Variants in NXN observed in about 807,000 individuals in gnomAD.
NXN encodes the protein nucleoredoxin 1.
A neutral mutation model predicts 48.6 loss-of-function variants in NXN; 16 were observed. That is an observed-to-expected ratio of 0.33 (90% CI 0.22 to 0.50). The LOEUF is 0.50. NXN is among the 20% of genes least tolerant of loss of function. The probability of loss-of-function intolerance (pLI) is 0.98; values close to 1 mark genes in which losing one functional copy is unlikely to be tolerated. For synonymous variants in NXN, 281 were observed against 269.6 expected, an observed-to-expected ratio of 1.04 and a Z score of -0.41; for missense variants, 492 against 605.5, an observed-to-expected ratio of 0.81 and a Z score of 1.97.
rs190580066 is a variant in NXN, at chr17:833,688, G to A, written c.361-7610C>T. On this transcript the variant is annotated intron_variant, in intron 1 of 7. Transcript: ENST00000336868. ...ATAAATCCCCCTGAAGCCTGTTAGC[G>A]GAAACTGATCACGGGAGGTCTACAG... Among the ~76,000 whole-genome samples, 59 of 152,168 alleles carry A rather than the reference G, an allele frequency of 3.9e-4. 1 individual carries two copies. In the East Asian group the frequency reaches 9.5e-3, roughly 24 times the overall value.
chr17:807,490 C>A (rs577817282), intron 5 of NXN, among the ~76,000 whole-genome samples: 1 of 152,336 alleles, frequency 6.6e-6, no homozygotes, highest in East Asian at 1.9e-4. Flanking sequence ...CCGAGGGCCT[C>A]CTCCAAGCGG....
chr17:806,569 C>A (rs992984473), intron 5 of NXN, among the ~76,000 whole-genome samples: 1 of 151,752 alleles, frequency 6.6e-6, no homozygotes, highest in Non-Finnish European at 1.5e-5. Flanking sequence ...GGCAGCCGCT[C>A]CCCCCACACC....
At chr17:810,991 T>C (rs1336418436) in intron 5 of NXN, among the ~76,000 whole-genome samples, 1 of 152,116 alleles carries the variant, frequency 6.6e-6, no homozygotes. Flanking sequence ...TCTCCAAATG[T>C]TTCATTTTTA....
chr17:979,356 G>A lies in NXN; in HGVS notation c.323C>T (p.Pro108Leu). 2 of 1,542,964 alleles carry A rather than the reference G, an allele frequency of 1.3e-6. No individual in the cohort carries two copies. The highest frequency in any genetic ancestry group is 8.7e-7 in the Non-Finnish European group (1 of 1,148,878). ...RQWQDFVRDM[P>L]WLALPYKEKH... ...CTCCTTGTAGGGCAGCGCCAGCCAC[G>A]GCATGTCCCGCACGAAGTCCTGCCA... is the stretch of plus-strand genomic sequence containing the variant. The change falls in exon 1 of 8, where the codon CCG becomes CTG. Residue 108 changes from proline (P) to leucine (L), a missense_variant. Transcript: ENST00000336868.
chr17:908,614 C>T (rs546421781), intron 1 of NXN, among the ~76,000 whole-genome samples: 3 of 152,286 alleles, frequency 2.0e-5, no homozygotes, highest in African/African-American at 4.8e-5. Context: ...AAATAGTCCA[C>T]GGCAGTGGAT....
In NXN at chr17:825,777, A is replaced by G; in HGVS notation, c.478+184T>C. 1.8e-6 allele frequency: 1 copy of G among 569,588 alleles called. No individual in the cohort carries two copies. The highest frequency in any genetic ancestry group is 2.2e-5 in the South Asian group (1 of 44,978). 35.3% of individuals were successfully genotyped at this position (569,588 alleles called of 1,614,324 possible). A position where few individuals can be genotyped will look rare whatever the true frequency, so the allele number is the denominator to read the frequency against. Reference sequence around the variant, plus strand: ...AGGAGGGACATTCTGATCCCTGTGAAAATCTTAAAACCATGTCCTAGGGAA... The same window carrying G: ...AGGAGGGACATTCTGATCCCTGTGAGAATCTTAAAACCATGTCCTAGGGAA... On this transcript the variant is annotated intron_variant, in intron 2 of 7. Coordinates refer to ENST00000336868, the MANE Select transcript of NXN (RefSeq NM_022463.5). The surrounding 1 kb of genome is among the most constrained non-coding windows in gnomAD (Gnocchi z 4.1).
intron 1 of NXN, among the ~76,000 whole-genome samples, chr17:967,764 G>A (rs913458089): frequency 1.3e-5 from 2 of 152,206 alleles, no homozygotes; most frequent in Non-Finnish European, 2.9e-5. Flanking sequence ...GAGGTCAGGA[G>A]ATCAAGACCA....
chr17:845,121 G>C (rs746499060), intron 1 of NXN, among the ~76,000 whole-genome samples: 1 of 152,194 alleles, frequency 6.6e-6, no homozygotes, highest in Non-Finnish European at 1.5e-5. Flanking sequence ...AAGCTCCAGT[G>C]AGAAAGGTCA....
At chr17:965,203 G>T (rs1386256326) in intron 1 of NXN, among the ~76,000 whole-genome samples, 1 of 152,146 alleles carries the variant, frequency 6.6e-6, no homozygotes, top group Non-Finnish European at 1.5e-5. Context: ...GGAGAACGTG[G>T]GCCTTAAGCT....
rs6598843 is a variant in NXN at position 958,711 on chromosome 17, C to A, written c.360+20608G>T. 1.3e-5 allele frequency among the ~76,000 whole-genome samples: 2 copies of A among 151,762 alleles called. No individual in the cohort carries two copies. The highest frequency in any genetic ancestry group is 6.6e-5 in the Admixed American group (1 of 15,244). On this transcript the variant is annotated intron_variant, in intron 1 of 7. Transcript: ENST00000336868. This position sits in a 1 kb window ranked among gnomAD's most constrained non-coding sequence, Gnocchi z 6.9. ...ACCGAGGCGGAGGTAGAAGTGAGCC[C>A]AGATTGTGCCACTGAACTCCAGCAC...
intron 1 of NXN, among the ~76,000 whole-genome samples, chr17:952,070 G>A (rs888949587): frequency 6.6e-6 from 1 of 152,172 alleles, no homozygotes; most frequent in Non-Finnish European, 1.5e-5. Context: ...TTTTGTGGGG[G>A]GCGGTGGTGG....
chr17:868,561 T>C (rs1003995665), intron 1 of NXN, among the ~76,000 whole-genome samples: 1 of 152,100 alleles, frequency 6.6e-6, no homozygotes, highest in South Asian at 2.1e-4. Context: ...ATGCGATCTC[T>C]GCTTACTGCA....
chr17:886,777 CAAA>C (rs5818771), intron 1 of NXN, among the ~76,000 whole-genome samples: 5 of 124,360 alleles, frequency 4.0e-5, no homozygotes, highest in Non-Finnish European at 3.4e-5. Flanking sequence ...GACTCTGTCT[CAAA>C]AAAAAAAAAA....
intron 1 of NXN, among the ~76,000 whole-genome samples, chr17:895,600 C>T (rs1157927312): frequency 1.3e-5 from 2 of 149,726 alleles, no homozygotes; most frequent in Non-Finnish European, 3.0e-5. Context: ...ATCACAGGGT[C>T]AGGAGATCAA....
rs942257175 is a variant in NXN at position 920,120 on chromosome 17, G to A, written c.360+59199C>T. 1.3e-5 allele frequency among the ~76,000 whole-genome samples: 2 copies of A among 151,838 alleles called. No homozygotes were observed. The highest frequency in any genetic ancestry group is 2.9e-5 in the Non-Finnish European group (2 of 67,940). On this transcript the variant is annotated intron_variant, in intron 1 of 7. Coordinates refer to ENST00000336868, the MANE Select transcript of NXN (RefSeq NM_022463.5). The surrounding 1 kb of genome is among the most constrained non-coding windows in gnomAD (Gnocchi z 4.6). Reference sequence around the variant, plus strand: ...TCGCCATGTTGCCCAGGCTGGTCTTGAACTCCTGGGCTCAAGCGATCAGCC... The same window carrying A: ...TCGCCATGTTGCCCAGGCTGGTCTTAAACTCCTGGGCTCAAGCGATCAGCC...
intron 7 of NXN, among the ~76,000 whole-genome samples, chr17:802,426 C>A (rs583150): frequency 0.54 from 81,522 of 152,026 alleles, 22,613 homozygotes; most frequent in East Asian, 0.79. Context: ...CGTTCCCAGC[C>A]AGAGAGCCAG....
At chr17:966,602 C>T (rs550259941) in intron 1 of NXN, among the ~76,000 whole-genome samples, 2 of 152,226 alleles carry the variant, frequency 1.3e-5, no homozygotes, top group Admixed American at 6.5e-5. Context: ...CGACTTCAGC[C>T]TCCCAAAGTG....
In NXN at chr17:817,656, A is replaced by G. The variant is rs894589295; in HGVS notation, c.820+1783T>C. 1.1e-4 allele frequency among the ~76,000 whole-genome samples: 17 copies of G among 149,974 alleles called. No individual in the cohort carries two copies. The East Asian group carries it at 2.7e-3, about 24-fold the overall frequency. ...TGCACTCCAGCCAGGGCGACAGAGC[A>G]AGACTCCAATTCAGGAAAAAAAAAA... On this transcript the variant is annotated intron_variant, in intron 5 of 7. Transcript: ENST00000336868.
At chr17:817,193 AAC>A (rs1481295825) in intron 5 of NXN, among the ~76,000 whole-genome samples, 1 of 152,140 alleles carries the variant, frequency 6.6e-6, no homozygotes, top group Non-Finnish European at 1.5e-5. Context: ...GCTGCTCAGA[AAC>A]AGTCTCTCAG....
Sources: allele counts gnomAD v4.1 joint callset (sites outside exome capture counted in the v4.1 genomes callset), GRCh38; gene constraint gnomAD v4.1.1; non-coding constraint Gnocchi (gnomAD v3.1); transcripts MANE v1.5; gene names NCBI Gene and HGNC (gene_info 2026-07-23, HGNC 2026-07-21).